SMIM41: variants seen among roughly 807,000 people sequenced by gnomAD.
SMIM41 encodes small integral membrane protein 41.
intron 2 of SMIM41, among the ~76,000 whole-genome samples, chr12:52,097,216 G>T (rs546368339): frequency 2.0e-5 from 3 of 152,174 alleles, no homozygotes; most frequent in African/African-American, 7.2e-5. Context: ...ATCCCAGGGG[G>T]TGTATAGTAT....
chr12:52,103,361 A>G (rs1592331661), intron 2 of SMIM41, among the ~76,000 whole-genome samples: 1 of 151,502 alleles, frequency 6.6e-6, no homozygotes. Flanking sequence ...TAAAACCAAA[A>G]AAAAAAAAAA....
rs1357592298 is a variant in SMIM41, at chr12:52,079,774, T to C, written c.-6T>C. 2 of 393,028 alleles carry C rather than the reference T, an allele frequency of 5.1e-6. No individual in the cohort carries two copies. The highest frequency in any genetic ancestry group is 4.1e-5 in the African/African-American group (2 of 48,338). The allele number at this position is 393,028 out of a possible 1,614,324, so 24.3% of individuals were successfully genotyped here. On this transcript the variant is annotated 5_prime_UTR_variant, in exon 1 of 3. Coordinates refer to ENST00000546390, the MANE Select transcript of SMIM41 (RefSeq NM_001369216.1). ...CCCGCCACATCTGGGCAGCCGGCGC[T>C]GGAGCATGAACGGCTCTCAGGCGGG...
intron 2 of SMIM41, among the ~76,000 whole-genome samples, chr12:52,091,112 A>G (rs561966121): frequency 6.6e-6 from 1 of 152,192 alleles, no homozygotes; most frequent in African/African-American, 2.4e-5. Context: ...CCTGGGCTCA[A>G]GTGATCCTCC....
At chr12:52,090,915 G>C (rs1189419199) in intron 2 of SMIM41, among the ~76,000 whole-genome samples, 1 of 152,208 alleles carries the variant, frequency 6.6e-6, no homozygotes, top group Non-Finnish European at 1.5e-5. Context: ...AACCTCACTG[G>C]ATGCCCAAGA....
intron 2 of SMIM41, 47 bp from the exon 3 acceptor site, chr12:52,107,332 T>C (rs1940360909): frequency 4.1e-6 from 2 of 482,762 alleles, no homozygotes; most frequent in East Asian, 6.0e-5. Context: ...GTCCAAACTA[T>C]ACAGACCCAC....
chr12:52,108,135 T>TC lies in SMIM41; in HGVS notation c.*957dup. On this transcript the variant is annotated 3_prime_UTR_variant, in exon 3 of 3. Coordinates refer to ENST00000546390, the MANE Select transcript of SMIM41 (RefSeq NM_001369216.1). ...GTACCTCAGTTCAGATGTGTCATCT[T>TC]CCCCCAGAAAGGGTGCAGTGGCTGC... 1 of 211,614 alleles carries TC rather than the reference T, an allele frequency of 4.7e-6. No individual in the cohort carries two copies. The highest frequency in any genetic ancestry group is 9.5e-6 in the Non-Finnish European group (1 of 105,814). 13.1% of individuals were successfully genotyped at this position (211,614 alleles called of 1,614,324 possible). A position where few individuals can be genotyped will look rare whatever the true frequency, so the allele number is the denominator to read the frequency against.
chr12:52,096,654 G>A (rs774120412), intron 2 of SMIM41, among the ~76,000 whole-genome samples: 46 of 151,408 alleles, frequency 3.0e-4, no homozygotes, highest in Non-Finnish European at 5.9e-4. Flanking sequence ...AATATCAGGC[G>A]TTATTAATAA....
In SMIM41 at chr12:52,108,182, CT is replaced by C; in HGVS notation, c.*1000del. 4.8e-6 allele frequency: 1 copy of C among 207,958 alleles called. No homozygotes were observed. Among genetic ancestry groups the C allele is most frequent in the Non-Finnish European group, 9.7e-6 (1 of 103,190 alleles). 12.9% of individuals were successfully genotyped at this position (207,958 alleles called of 1,614,324 possible). A position where few individuals can be genotyped will look rare whatever the true frequency, so the allele number is the denominator to read the frequency against. On this transcript the variant is annotated 3_prime_UTR_variant, in exon 3 of 3. Coordinates refer to ENST00000546390, the MANE Select transcript of SMIM41 (RefSeq NM_001369216.1). ...CTGCAGTGATGTACACGGTGGTCAC[CT>C]CCATGCTCAACCCCTTTATCTACAG...
chr12:52,087,600 C>T (rs749826062), intron 2 of SMIM41: 3 of 152,418 alleles, frequency 2.0e-5, no homozygotes, highest in African/African-American at 7.2e-5. Context: ...CCCGAAGAAG[C>T]TCGGTGCCAT....
chr12:52,099,237 C>T (rs1940166742), intron 2 of SMIM41, among the ~76,000 whole-genome samples: 3 of 151,250 alleles, frequency 2.0e-5, no homozygotes, highest in African/African-American at 7.3e-5. Context: ...CATCCTGTGC[C>T]CCCTGGATGT....
chr12:52,102,484 A>G (rs911776213), intron 2 of SMIM41, among the ~76,000 whole-genome samples: 1 of 152,242 alleles, frequency 6.6e-6, no homozygotes, highest in African/African-American at 2.4e-5. Context: ...CATATATCTG[A>G]AAAGAGGCTG....
Position 52,087,131 on chromosome 12 carries a change from C to A in SMIM41, c.*195+3163C>A, listed in dbSNP as rs191311380. Among the ~76,000 whole-genome samples, 415 of 152,304 alleles carry A rather than the reference C, an allele frequency of 2.7e-3. 10 individuals are homozygous for A. The highest frequency in any genetic ancestry group is 0.027 in the Admixed American group (406 of 15,298). ...CACCTCCCAACTCTGCTCAGGTGCC[C>A]TCTCCTCCTCCTACTTCCCATGGAA... is the stretch of plus-strand genomic sequence containing the variant. On this transcript the variant is annotated intron_variant, in intron 2 of 2. Coordinates refer to ENST00000546390, the MANE Select transcript of SMIM41 (RefSeq NM_001369216.1).
chr12:52,097,318 G>A (rs1301206080), intron 2 of SMIM41, among the ~76,000 whole-genome samples: 1 of 151,714 alleles, frequency 6.6e-6, no homozygotes, highest in Non-Finnish European at 1.5e-5. Context: ...CAGGGGGGCG[G>A]GCGACCCCCA....
At chr12:52,107,096 G>A (rs1043360072) in intron 2 of SMIM41, among the ~76,000 whole-genome samples, 8 of 152,146 alleles carry the variant, frequency 5.3e-5, no homozygotes, top group Admixed American at 1.3e-4. Context: ...TGAATCTAGT[G>A]TCTCTAAGGC....
At chr12:52,095,118 AT>A (rs370975499) in intron 2 of SMIM41, among the ~76,000 whole-genome samples, 19 of 138,892 alleles carry the variant, frequency 1.4e-4, no homozygotes, top group East Asian at 1.2e-3. Flanking sequence ...CTTAATTAAA[AT>A]TTTTTTTTTG....
intron 2 of SMIM41, among the ~76,000 whole-genome samples, chr12:52,096,993 A>G (rs1940109145): frequency 6.6e-6 from 1 of 152,080 alleles, no homozygotes; most frequent in Non-Finnish European, 1.5e-5. Context: ...CAGAAGGTGT[A>G]GACCTACCCT....
intron 1 of SMIM41, among the ~76,000 whole-genome samples, chr12:52,080,469 A>G (rs552774142): frequency 2.0e-3 from 310 of 152,256 alleles, no homozygotes; most frequent in Middle Eastern, 0.014. Context: ...TTCTACGAAC[A>G]GAGGCTGCTG....
rs117950438 is a variant in SMIM41 at position 52,088,740 on chromosome 12, C to T, written c.*195+4772C>T. Among the ~76,000 whole-genome samples the T allele has an allele frequency of 4.9e-4, 74 of 152,326 alleles. No homozygotes were observed. The East Asian group carries it at 0.012, about 25-fold the overall frequency. On this transcript the variant is annotated intron_variant, in intron 2 of 2. Coordinates refer to ENST00000546390, the MANE Select transcript of SMIM41 (RefSeq NM_001369216.1). ...GTCAGAGTCGTCTTCAGCAGAGGCGCGTTCTGTCTGGCCACACTGTCTGGT... is the reference window on the plus strand; with the variant it reads ...GTCAGAGTCGTCTTCAGCAGAGGCGTGTTCTGTCTGGCCACACTGTCTGGT...
intron 2 of SMIM41, among the ~76,000 whole-genome samples, chr12:52,088,179 G>A (rs573724885): frequency 2.5e-4 from 38 of 152,344 alleles, no homozygotes; most frequent in Non-Finnish European, 4.9e-4. Flanking sequence ...CAGTGTACCT[G>A]TAAGCAAATG....
Sources: gnomAD v4.1 joint callset for allele counts (sites outside exome capture counted in the v4.1 genomes callset) on GRCh38, gnomAD v4.1.1 for gene constraint, MANE v1.5 for transcripts, NCBI Gene and HGNC (gene_info 2026-07-23, HGNC 2026-07-21) for gene names.